SUCLG2: variants seen among roughly 807,000 people sequenced by gnomAD.
The protein encoded by SUCLG2 is succinate-CoA ligase GDP-forming subunit beta.
A neutral mutation model predicts 47.9 loss-of-function variants in SUCLG2; 42 were observed. That is an observed-to-expected ratio of 0.88 (90% CI 0.69 to 1.14). SUCLG2 has a LOEUF of 1.14. Among genes scored for constraint, SUCLG2 ranks in the 50% most tolerant of loss-of-function variants. SUCLG2 has a pLI of 0.00. For synonymous variants in SUCLG2, 195 were observed against 197.3 expected (o/e 0.99, Z 0.10); for missense variants, 571 against 525.9 (o/e 1.09, Z -0.84).
intron 9 of SUCLG2, among the ~76,000 whole-genome samples, chr3:67,416,913 G>T (rs1045216753): frequency 1.8e-4 from 28 of 152,224 alleles, no homozygotes; most frequent in African/African-American, 6.5e-4. Flanking sequence ...TCCACTAGAG[G>T]CCAGTGTACT....
Position 67,375,621 on chromosome 3 carries a change from G to C in SUCLG2, c.*123C>G. 7.0e-7 allele frequency: 1 copy of C among 1,437,340 alleles called. No individual in the cohort carries two copies. The highest frequency in any genetic ancestry group is 1.6e-5 in the South Asian group (1 of 63,754). 89.0% of individuals were successfully genotyped at this position (1,437,340 alleles called of 1,614,324 possible). A position where few individuals can be genotyped will look rare whatever the true frequency, so the allele number is the denominator to read the frequency against. On this transcript the variant is annotated 3_prime_UTR_variant, in exon 11 of 11. Transcript: ENST00000307227. ...GAAAACACAGATTTAAGATTTTTCA[G>C]TGATTCTTGCCTTCCCCCTCCCCTT... is the stretch of plus-strand genomic sequence containing the variant.
intron 9 of SUCLG2, chr3:67,408,816 C>T: frequency 7.2e-7 from 1 of 1,393,064 alleles, no homozygotes. Flanking sequence ...GCTTAAACAT[C>T]ACACAGCAGT....
intron 6 of SUCLG2, among the ~76,000 whole-genome samples, chr3:67,510,037 T>C (rs1332866010): frequency 6.6e-6 from 1 of 152,212 alleles, no homozygotes; most frequent in African/African-American, 2.4e-5. Flanking sequence ...CCTCTGGCTG[T>C]TGCTCCCACT....
chr3:67,585,605 T>C (rs967053516), intron 2 of SUCLG2, among the ~76,000 whole-genome samples: 15 of 152,114 alleles, frequency 9.9e-5, no homozygotes, highest in African/African-American at 3.4e-4. Flanking sequence ...ACACCAGGAA[T>C]GTACATATCA....
Position 67,495,782 on chromosome 3 carries a change from C to A in SUCLG2, c.1062+16G>T, listed in dbSNP as rs570682912. 13 of 1,612,586 alleles carry A rather than the reference C, an allele frequency of 8.1e-6. No individual in the cohort carries two copies. The Admixed American group carries it at 8.3e-5, about 10-fold the overall frequency. On this transcript the variant is annotated intron_variant, in intron 9 of 10. Transcript: ENST00000307227. ...TTAAAACTGGCATATAATCTCCCTA[C>A]AAAGAGAAAGGTTACCTTAGGATCA... is the stretch of plus-strand genomic sequence containing the variant.
chr3:67,467,273 A>C (rs759101174), intron 9 of SUCLG2, among the ~76,000 whole-genome samples: 1 of 152,222 alleles, frequency 6.6e-6, no homozygotes, highest in African/African-American at 2.4e-5. Context: ...TCATACATCA[A>C]AACAGCAGCT....
chr3:67,556,773 G>A (rs948336881), intron 2 of SUCLG2, among the ~76,000 whole-genome samples: 4 of 152,136 alleles, frequency 2.6e-5, no homozygotes. Flanking sequence ...GAGTTACCAA[G>A]GACAACATGT....
chr3:67,361,562 G>A (rs1575649372), intron 10 of SUCLG2, among the ~76,000 whole-genome samples: 2 of 152,114 alleles, frequency 1.3e-5, no homozygotes. Context: ...TTCTACCCTC[G>A]ACTTGAAAAT....
intron 2 of SUCLG2, among the ~76,000 whole-genome samples, chr3:67,601,388 T>G (rs1394716053): frequency 6.6e-6 from 1 of 152,206 alleles, no homozygotes; most frequent in Non-Finnish European, 1.5e-5. Context: ...CATGTTCCTT[T>G]GATAATCAGA....
At chr3:67,640,868 TA>T (rs1386888255) in intron 1 of SUCLG2, among the ~76,000 whole-genome samples, 1 of 152,220 alleles carries the variant, frequency 6.6e-6, no homozygotes, top group Non-Finnish European at 1.5e-5. Flanking sequence ...AGCTTCTGAT[TA>T]CCAAAGATCA....
intron 10 of SUCLG2, among the ~76,000 whole-genome samples, chr3:67,382,031 A>G (rs1465060430): frequency 6.6e-6 from 1 of 152,240 alleles, no homozygotes; most frequent in Admixed American, 6.5e-5. Context: ...GCTGTGAAGA[A>G]AATCATTTTC....
At chr3:67,495,071 A>G (rs1705296277) in intron 9 of SUCLG2, among the ~76,000 whole-genome samples, 1 of 152,208 alleles carries the variant, frequency 6.6e-6, no homozygotes, top group South Asian at 2.1e-4. Context: ...ATTATTTCCC[A>G]GTGATTTTTG....
At chr3:67,516,383 T>C (rs185175893) in intron 6 of SUCLG2, among the ~76,000 whole-genome samples, 1 of 152,264 alleles carries the variant, frequency 6.6e-6, no homozygotes, top group East Asian at 1.9e-4. Flanking sequence ...AAATAACTCT[T>C]AATTTTCTCG....
intron 9 of SUCLG2, among the ~76,000 whole-genome samples, chr3:67,475,385 T>C (rs767221551): frequency 2.0e-5 from 3 of 152,224 alleles, no homozygotes; most frequent in Non-Finnish European, 2.9e-5. Flanking sequence ...AGAAAAGCTG[T>C]GCTGGTTGGA....
chr3:67,380,509 T>C (rs1702133380), intron 10 of SUCLG2, among the ~76,000 whole-genome samples: 1 of 152,216 alleles, frequency 6.6e-6, no homozygotes, highest in Non-Finnish European at 1.5e-5. Context: ...TAATTATACT[T>C]GCAGTTACAC....
At chr3:67,506,204 C>T (rs1705633302) in intron 7 of SUCLG2, among the ~76,000 whole-genome samples, 1 of 152,042 alleles carries the variant, frequency 6.6e-6, no homozygotes, top group African/African-American at 2.4e-5. Context: ...GCTTTTACAG[C>T]TTCTAAATAA....
chr3:67,465,216 T>C (rs1704441439), intron 9 of SUCLG2, among the ~76,000 whole-genome samples: 1 of 152,190 alleles, frequency 6.6e-6, no homozygotes, highest in African/African-American at 2.4e-5. Context: ...TTCATTGTTC[T>C]GGTGCTTAAA....
At chr3:67,363,738 G>A (rs1701839521) in intron 10 of SUCLG2, among the ~76,000 whole-genome samples, 3 of 152,072 alleles carry the variant, frequency 2.0e-5, no homozygotes, top group African/African-American at 7.2e-5. Context: ...TTTAAAAAAA[G>A]GGTAACTCAG....
At chr3:67,400,258 A>G (rs924291400) in intron 10 of SUCLG2, among the ~76,000 whole-genome samples, 10 of 151,768 alleles carry the variant, frequency 6.6e-5, no homozygotes, top group Non-Finnish European at 1.3e-4. Flanking sequence ...GATATATAAA[A>G]TATACCATAA....
Sources: gnomAD v4.1 joint callset for allele counts (sites outside exome capture counted in the v4.1 genomes callset) on GRCh38, gnomAD v4.1.1 for gene constraint, MANE v1.5 for transcripts, NCBI Gene and HGNC (gene_info 2026-07-23, HGNC 2026-07-21) for gene names.